Variants in NEK11 observed in about 807,000 individuals in gnomAD.
The protein encoded by NEK11 is serine/threonine-protein kinase Nek11.
Under a neutral mutation model 80.7 loss-of-function variants are expected in NEK11, and 72 were observed. The observed-to-expected ratio is 0.89, with a 90% CI of 0.74 to 1.08. The LOEUF is 1.08. Among genes scored for constraint, NEK11 ranks in the 50% least tolerant of loss-of-function variants. The pLI, the probability that NEK11 is intolerant of heterozygous loss-of-function variation, is 0.00. For missense variants in NEK11, 764 were observed against 763.6 expected (o/e 1.00, Z -0.01); for synonymous variants, 251 against 260.7 (o/e 0.96, Z 0.36).
At chr3:131,098,159 G>A (rs371889843) in intron 4 of NEK11, among the ~76,000 whole-genome samples, 2 of 152,002 alleles carry the variant, frequency 1.3e-5, no homozygotes, top group African/African-American at 2.4e-5. Context: ...TTAATTCAAG[G>A]TGGATTTAAG....
chr3:131,342,799 C>T (rs544094323), intron 17 of NEK11, among the ~76,000 whole-genome samples: 3 of 151,816 alleles, frequency 2.0e-5, no homozygotes, highest in South Asian at 2.1e-4. Flanking sequence ...TATAAGAAAC[C>T]GAAGACATAG....
intron 14 of NEK11, among the ~76,000 whole-genome samples, chr3:131,222,191 A>G (rs959067314): frequency 6.6e-6 from 1 of 152,158 alleles, no homozygotes; most frequent in Admixed American, 6.5e-5. Flanking sequence ...CCATAAATAG[A>G]CTTATTCAGT....
chr3:131,308,931 G>A (rs1256400699), intron 17 of NEK11, among the ~76,000 whole-genome samples: 3 of 152,176 alleles, frequency 2.0e-5, no homozygotes, highest in South Asian at 2.1e-4. Flanking sequence ...TAAGGAGCAC[G>A]CAACCTAGAT....
At chr3:131,231,980 T>C (rs550876961) in intron 15 of NEK11, among the ~76,000 whole-genome samples, 3 of 152,304 alleles carry the variant, frequency 2.0e-5, no homozygotes, top group East Asian at 3.9e-4. Context: ...ATGGACTTCA[T>C]TGAGATTGAT....
At chr3:131,097,509 G>A (rs1486063605) in intron 4 of NEK11, among the ~76,000 whole-genome samples, 2 of 152,092 alleles carry the variant, frequency 1.3e-5, no homozygotes, top group Non-Finnish European at 2.9e-5. Flanking sequence ...TTTTTCATGT[G>A]TCTTTTGGCT....
At chr3:131,188,837 A>G (rs890073083) in intron 14 of NEK11, among the ~76,000 whole-genome samples, 1 of 150,052 alleles carries the variant, frequency 6.7e-6, no homozygotes, top group South Asian at 2.1e-4. Context: ...TACTTCCTGT[A>G]GTGAGTTGAA....
chr3:131,263,884 G>T (rs2095988182), intron 16 of NEK11, among the ~76,000 whole-genome samples: 1 of 152,258 alleles, frequency 6.6e-6, no homozygotes, highest in African/African-American at 2.4e-5. Flanking sequence ...GTTGTTTCCT[G>T]ACTTTTTAAT....
chr3:131,036,243 G>GA (rs1209870770), intron 3 of NEK11, among the ~76,000 whole-genome samples: 1 of 152,164 alleles, frequency 6.6e-6, no homozygotes, highest in African/African-American at 2.4e-5. Context: ...AAAATAAAGT[G>GA]AAAAAACCCA....
At chr3:131,090,354 C>G (rs577187265) in intron 4 of NEK11, among the ~76,000 whole-genome samples, 1 of 152,164 alleles carries the variant, frequency 6.6e-6, no homozygotes. Flanking sequence ...TCTTTTATTG[C>G]AACCTTCAAG....
At chr3:131,118,850 A>G (rs1165712227) in intron 5 of NEK11, among the ~76,000 whole-genome samples, 1 of 151,120 alleles carries the variant, frequency 6.6e-6, no homozygotes, top group Non-Finnish European at 1.5e-5. Context: ...CATCTATTTG[A>G]TTCTTCTCTT....
intron 17 of NEK11, among the ~76,000 whole-genome samples, chr3:131,344,143 G>C (rs1225299344): frequency 6.6e-6 from 1 of 152,178 alleles, no homozygotes; most frequent in Non-Finnish European, 1.5e-5. Flanking sequence ...TCTGGACATA[G>C]GTTGTTAGAA....
At chr3:131,338,955 T>C (rs1383240373) in intron 17 of NEK11, among the ~76,000 whole-genome samples, 3 of 152,184 alleles carry the variant, frequency 2.0e-5, no homozygotes, top group Non-Finnish European at 4.4e-5. Context: ...CATAGAGCTG[T>C]ACATTCAAAA....
At chr3:131,161,275 C>T (rs369432475) in intron 10 of NEK11, among the ~76,000 whole-genome samples, 4 of 152,054 alleles carry the variant, frequency 2.6e-5, no homozygotes, top group African/African-American at 4.8e-5. Context: ...AACAGTGTGG[C>T]GATTCCTTAA....
intron 3 of NEK11, among the ~76,000 whole-genome samples, chr3:131,055,932 CA>C: frequency 6.6e-6 from 1 of 152,142 alleles, no homozygotes; most frequent in East Asian, 1.9e-4. Context: ...CTTGTTTTTC[CA>C]GTAGCAGGAT....
At chr3:131,269,158 T>C (rs185629145) in intron 16 of NEK11, among the ~76,000 whole-genome samples, 12 of 152,340 alleles carry the variant, frequency 7.9e-5, no homozygotes, top group African/African-American at 2.9e-4. Context: ...CAGACTGCTG[T>C]GCTGGCAGTG....
chr3:131,209,378 C>T (rs1027568972), intron 14 of NEK11, among the ~76,000 whole-genome samples: 1 of 152,098 alleles, frequency 6.6e-6, no homozygotes, highest in Non-Finnish European at 1.5e-5. Context: ...ATTTGGTTTG[C>T]CGGTATTTTA....
chr3:131,119,969 C>T (rs867278652), intron 5 of NEK11, among the ~76,000 whole-genome samples: 6 of 152,130 alleles, frequency 3.9e-5, no homozygotes, highest in African/African-American at 1.4e-4. Flanking sequence ...GAGCATTTCG[C>T]CCATTTACAT....
chr3:131,080,039 T>TTGTGTGTGTG (rs34144326), intron 3 of NEK11, among the ~76,000 whole-genome samples: 7,107 of 148,902 alleles, frequency 0.048, 454 homozygotes, highest in African/African-American at 0.14. Context: ...GTGTGTGTGT[T>TTGTGTGTGTG]TGTGTGTGTG....
intron 3 of NEK11, among the ~76,000 whole-genome samples, chr3:131,073,721 G>A (rs1419358939): frequency 1.3e-5 from 2 of 152,140 alleles, no homozygotes; most frequent in Non-Finnish European, 2.9e-5. Context: ...AATTTAAAAT[G>A]GGAGGAATTT....
Sources: allele counts gnomAD v4.1 joint callset (sites outside exome capture counted in the v4.1 genomes callset), GRCh38; gene constraint gnomAD v4.1.1; transcripts MANE v1.5; gene names NCBI Gene and HGNC (gene_info 2026-07-23, HGNC 2026-07-21).